Variants in TTC27 observed in about 807,000 individuals in gnomAD.
The protein encoded by TTC27 is tetratricopeptide repeat protein 27.
In TTC27, 79 loss-of-function variants were observed where a neutral mutation model predicts 115.9. The ratio of observed to expected loss-of-function variants is 0.68; its 90% CI spans 0.57 to 0.82. The LOEUF is 0.82. Among genes scored for constraint, TTC27 ranks in the 40% least tolerant of loss-of-function variants. The pLI, the probability that TTC27 is intolerant of heterozygous loss-of-function variation, is 0.00. For missense variants in TTC27, 1,054 were observed against 993.1 expected (o/e 1.06, Z -0.82); for synonymous variants, 401 against 356.0 (o/e 1.13, Z -1.42).
chr2:32,649,104 C>G (rs962630672), intron 4 of TTC27, among the ~76,000 whole-genome samples: 1 of 152,084 alleles, frequency 6.6e-6, no homozygotes, highest in African/African-American at 2.4e-5. Flanking sequence ...CAGGTGCTGT[C>G]CAATATGATG....
At chr2:32,685,123 C>A (rs550244411) in intron 9 of TTC27, among the ~76,000 whole-genome samples, 28 of 151,196 alleles carry the variant, frequency 1.9e-4, no homozygotes, top group African/African-American at 6.1e-4. Context: ...CCCTGCCTCC[C>A]GGTTCAAGTG....
chr2:32,768,830 A>T (rs567045737), intron 13 of TTC27, among the ~76,000 whole-genome samples: 3 of 152,240 alleles, frequency 2.0e-5, no homozygotes, highest in Non-Finnish European at 4.4e-5. Context: ...CGTTGGAATC[A>T]GAGAGGAGGC....
Position 32,630,607 on chromosome 2 carries a change from C to A in TTC27, c.173C>A (p.Ser58Ter), listed in dbSNP as rs753389020. ...TCAATGACTCAAAATATTTTTAATT[C>A]AACAACAACCGCTGAAGAAAAGATT... is the stretch of plus-strand genomic sequence containing the variant. ...LNSMTQNIFN[S>*]TTTAEEKIDS... The change falls in exon 2 of 20, where the codon TCA (serine) becomes TAA (stop). Residue 58 changes from serine (S) to a stop codon, truncating the protein, a stop_gained. Coordinates refer to ENST00000317907, the MANE Select transcript of TTC27 (RefSeq NM_017735.5). LOFTEE classifies it high-confidence loss of function. The A allele has an allele frequency of 6.2e-7, 1 of 1,613,428 alleles. No individual in the cohort carries two copies. Among genetic ancestry groups the A allele is most frequent in the Non-Finnish European group, 8.5e-7 (1 of 1,179,702 alleles).
chr2:32,755,204 C>G (rs1669183326), intron 12 of TTC27, among the ~76,000 whole-genome samples: 1 of 152,194 alleles, frequency 6.6e-6, no homozygotes, highest in Non-Finnish European at 1.5e-5. Context: ...AGGCTGCAAT[C>G]TCGGCACTTT....
At chr2:32,766,322 G>A (rs1477855935) in intron 13 of TTC27, 3 of 194,834 alleles carry the variant, frequency 1.5e-5, no homozygotes, top group African/African-American at 6.9e-5. Flanking sequence ...CAGAGGCCTC[G>A]CTTCTAGTTC....
intron 5 of TTC27, among the ~76,000 whole-genome samples, chr2:32,662,129 G>A (rs894778598): frequency 3.0e-4 from 45 of 152,126 alleles, no homozygotes; most frequent in Non-Finnish European, 6.2e-4. Flanking sequence ...ACTTCATTGT[G>A]GTGGATAAGC....
At chr2:32,638,766 C>T (rs575641408) in intron 3 of TTC27, among the ~76,000 whole-genome samples, 44 of 152,260 alleles carry the variant, frequency 2.9e-4, no homozygotes, top group African/African-American at 9.1e-4. Context: ...AGTATTGAGC[C>T]AGGGAGTGGC....
chr2:32,757,501 C>T (rs1036933426), intron 12 of TTC27, among the ~76,000 whole-genome samples: 6 of 152,182 alleles, frequency 3.9e-5, no homozygotes, highest in Non-Finnish European at 5.9e-5. Context: ...CTCACAGATA[C>T]GGCGCCTTTT....
intron 5 of TTC27, among the ~76,000 whole-genome samples, chr2:32,659,960 G>T (rs930004004): frequency 6.6e-6 from 1 of 152,130 alleles, no homozygotes; most frequent in African/African-American, 2.4e-5. Flanking sequence ...ATTGTGAACA[G>T]TGCTGCAGTA....
intron 12 of TTC27, among the ~76,000 whole-genome samples, chr2:32,755,593 C>G (rs1330283108): frequency 6.7e-6 from 1 of 150,312 alleles, no homozygotes; most frequent in African/African-American, 2.5e-5. Context: ...GAGAGGGAGA[C>G]GGTGGAAAGA....
At chr2:32,763,621 C>T (rs1056680366) in intron 13 of TTC27, among the ~76,000 whole-genome samples, 27 of 152,142 alleles carry the variant, frequency 1.8e-4, no homozygotes, top group African/African-American at 6.5e-4. Context: ...TGAGTGAGAG[C>T]TCAAGTTTAA....
intron 10 of TTC27, among the ~76,000 whole-genome samples, chr2:32,707,413 C>A (rs367684005): frequency 1.3e-5 from 2 of 152,114 alleles, no homozygotes; most frequent in South Asian, 2.1e-4. Flanking sequence ...AGGGTAGAGC[C>A]CCCACCTCCC....
intron 13 of TTC27, among the ~76,000 whole-genome samples, chr2:32,777,304 G>A (rs1572603807): frequency 1.3e-5 from 2 of 152,210 alleles, no homozygotes; most frequent in African/African-American, 4.8e-5. Flanking sequence ...CAGAATGCAT[G>A]GGGGATTGCT....
intron 10 of TTC27, among the ~76,000 whole-genome samples, chr2:32,721,968 C>T (rs1667946995): frequency 6.6e-6 from 1 of 152,214 alleles, no homozygotes; most frequent in Non-Finnish European, 1.5e-5. Flanking sequence ...AAGCCTACCT[C>T]ATACCAATGG....
rs1553311541 is a variant in TTC27, at chr2:32,723,728, C to CCTTCCTTCCTTCCTTCCT, written c.1234-10100_1234-10099insCTTCCTTCCTTCCTTCCT. On this transcript the variant is annotated intron_variant, in intron 10 of 19. Transcript: ENST00000317907. ...CCTCCCTCCCTCCCTCCCTCCCTCC[C>CCTTCCTTCCTTCCTTCCT]TCCTTCCTTCCTTCCTTCCTTCCTT... 4.7e-4 allele frequency among the ~76,000 whole-genome samples: 14 copies of CCTTCCTTCCTTCCTTCCT among 29,530 alleles called. 1 individual carries two copies. Among genetic ancestry groups the CCTTCCTTCCTTCCTTCCT allele is most frequent in the Admixed American group, 6.7e-4 (2 of 2,966 alleles). The allele number at this position is 29,530 out of a possible 152,430, so 19.4% of individuals were successfully genotyped here.
intron 10 of TTC27, among the ~76,000 whole-genome samples, chr2:32,713,220 C>T (rs891115536): frequency 1.3e-5 from 2 of 152,100 alleles, no homozygotes; most frequent in Non-Finnish European, 2.9e-5. Flanking sequence ...GTGACCCAAT[C>T]CTAATATTCT....
intron 5 of TTC27, among the ~76,000 whole-genome samples, chr2:32,662,294 G>A (rs1665577505): frequency 6.6e-6 from 1 of 152,192 alleles, no homozygotes; most frequent in Non-Finnish European, 1.5e-5. Context: ...AAATGAGTTA[G>A]GGAGGAGTCC....
At chr2:32,643,270 A>G (rs1664724932) in intron 4 of TTC27, among the ~76,000 whole-genome samples, 2 of 152,032 alleles carry the variant, frequency 1.3e-5, no homozygotes, top group Admixed American at 6.6e-5. Flanking sequence ...AATGGTCTTA[A>G]AGACTGACGA....
At chr2:32,706,473 C>T (rs1459986379) in intron 10 of TTC27, among the ~76,000 whole-genome samples, 1 of 152,180 alleles carries the variant, frequency 6.6e-6, no homozygotes, top group Non-Finnish European at 1.5e-5. Flanking sequence ...AAAAATAAAT[C>T]CACAGACAGA....
Sources: allele counts gnomAD v4.1 joint callset (sites outside exome capture counted in the v4.1 genomes callset), GRCh38; gene constraint gnomAD v4.1.1; transcripts MANE v1.5; gene names NCBI Gene and HGNC (gene_info 2026-07-23, HGNC 2026-07-21).